Variants in ABCA5 observed in about 807,000 individuals in gnomAD.
The protein encoded by ABCA5 is ATP binding cassette subfamily A member 5, also known as cholesterol transporter ABCA5.
Under a neutral mutation model 206.0 loss-of-function variants are expected in ABCA5, and 163 were observed. That is an observed-to-expected ratio of 0.79 (90% CI 0.70 to 0.90). The LOEUF is 0.90. ABCA5 is among the 40% of genes least tolerant of loss of function. The pLI is 0.00. For missense variants in ABCA5, 1,859 were observed against 1,912.9 expected (o/e 0.97, Z 0.53); for synonymous variants, 609 against 613.8 (o/e 0.99, Z 0.11).
intron 1 of ABCA5, among the ~76,000 whole-genome samples, chr17:69,321,458 T>C (rs543732741): frequency 6.6e-6 from 1 of 152,336 alleles, no homozygotes; most frequent in Admixed American, 6.5e-5. Context: ...GAGCTATACA[T>C]TTCCTCTTTC....
Position 69,302,781 on chromosome 17 carries a change from G to C in ABCA5, c.1056C>G (p.Pro352=). 6.3e-7 allele frequency: 1 copy of C among 1,599,916 alleles called. No homozygotes were observed. Among genetic ancestry groups the C allele is most frequent in the African/African-American group, 1.3e-5 (1 of 74,196 alleles). The part of the protein sequence containing the change: ...GLMIILIESF[P]KSLVWLFSPF... The stretch of plus-strand genomic sequence containing the variant: ...GACTGAAAAGCCACACTAACGATTT[G>C]GGAAAACTTTCTATGAGGATTATCA... Residue 352 remains proline, a synonymous_variant, in exon 8 of 39, where the codon CCC becomes CCG. Transcript: ENST00000392676.
At position 69,251,729 on chromosome 17, in the gene ABCA5, C is replaced by A. The variant is rs763585432; in HGVS notation, c.4535+18G>T. ...CCCCAACCTCTTCCCCTGAATGGCA[C>A]GCTATTTAGACATCAACCTTAACTG... On this transcript the variant is annotated intron_variant, in intron 35 of 38. Transcript: ENST00000392676. 6 of 1,602,976 alleles carry A rather than the reference C, an allele frequency of 3.7e-6. No homozygotes were observed. The African/African-American group carries it at 4.0e-5, about 11-fold the overall frequency.
In ABCA5 at chr17:69,302,826, A is replaced by T; in HGVS notation, c.1011T>A (p.Ala337=). ...TTATCATAAGGCCAATAAATCCAAA[A>T]GCCACAGTAACAAAAAATTCAACTA... ...VGIVEFFVTV[A]FGFIGLMIIL... is the part of the protein sequence containing the mutation. The change falls in exon 8 of 39, where the codon GCT becomes GCA. Residue 337 remains alanine, a synonymous_variant. Transcript: ENST00000392676. 2 of 1,597,248 alleles carry T rather than the reference A, an allele frequency of 1.3e-6. No individual in the cohort carries two copies. Among genetic ancestry groups the T allele is most frequent in the Non-Finnish European group, 1.7e-6 (2 of 1,175,632 alleles).
At position 69,277,736 on chromosome 17, in the gene ABCA5, T is replaced by C. The variant is rs1598170447; in HGVS notation, c.2499A>G (p.Leu833=). The C allele has an allele frequency of 1.9e-6, 3 of 1,609,542 alleles. No homozygotes were observed. The highest frequency in any genetic ancestry group is 2.5e-6 in the Non-Finnish European group (3 of 1,178,794). ...LLILSETKAA[L]VSTMSLWKQQ... ...GTTTCCAAAGGCTCATGGTGCTCAC[T>C]AGAGCAGCCTTGGTTTCAGAAAGAA... The change falls in exon 19 of 39, where the codon CTA becomes CTG. Residue 833 remains leucine (L), a synonymous_variant. Transcript: ENST00000392676.
In ABCA5 at chr17:69,260,268, A is replaced by G. The variant is rs2075132097; in HGVS notation, c.3639+70T>C. The stretch of plus-strand genomic sequence containing the variant: ...CATGCAACAGGATAAAAAACTAAAC[A>G]TAGTTAAAACCATAGGACCAAACCA... On this transcript the variant is annotated intron_variant, in intron 27 of 38. Coordinates refer to ENST00000392676, the MANE Select transcript of ABCA5 (RefSeq NM_172232.4). 1.4e-5 allele frequency: 16 copies of G among 1,178,176 alleles called. No individual in the cohort carries two copies. The South Asian group carries it at 1.4e-4, about 10-fold the overall frequency. 73.0% of individuals were successfully genotyped at this position (1,178,176 alleles called of 1,614,324 possible).
In ABCA5 at chr17:69,298,310, G is replaced by A. The variant is rs997815577; in HGVS notation, c.1268-951C>T. 5.2e-3 allele frequency among the ~76,000 whole-genome samples: 546 copies of A among 105,266 alleles called. 30 individuals carry two copies. Among genetic ancestry groups the A allele is most frequent in the African/African-American group, 0.017 (501 of 30,326 alleles). 69.1% of individuals were successfully genotyped at this position (105,266 alleles called of 152,430 possible). On this transcript the variant is annotated intron_variant, in intron 9 of 38. Coordinates refer to ENST00000392676, the MANE Select transcript of ABCA5 (RefSeq NM_172232.4). ...GAGGGAGGGGAAAGAGAAAGAAAGA[G>A]AGAGAGAGGAAGGAAGGAAGGAAGG...
At position 69,287,737 on chromosome 17, in the gene ABCA5, A is replaced by G. The variant is rs2075475133; in HGVS notation, c.1917T>C (p.Asp639=). Residue 639 remains aspartate, a synonymous_variant, in exon 15 of 39, where the codon GAT becomes GAC. Transcript: ENST00000392676. The stretch of plus-strand genomic sequence containing the variant: ...AGGGGTCCATTCCAGCTGTTGGTTC[A>G]TCTAGCAGCAGTATCTGTGTGAAAA... ...VLGNPKILLL[D]EPTAGMDPCS... The G allele has an allele frequency of 6.2e-7, 1 of 1,613,104 alleles. No homozygotes were observed. Among genetic ancestry groups the G allele is most frequent in the African/African-American group, 1.3e-5 (1 of 74,880 alleles).
intron 16 of ABCA5, 88 bp from the exon 17 acceptor site, chr17:69,286,125 T>C: frequency 3.2e-6 from 5 of 1,550,244 alleles, no homozygotes; most frequent in East Asian, 2.3e-5. Flanking sequence ...TTTAGTACCA[T>C]AAATGATGGT....
chr17:69,287,611 A>G lies in ABCA5; in HGVS notation c.2041+2T>C, dbSNP rs775133489. On this transcript the variant is annotated splice_donor_variant, in intron 15 of 38. Transcript: ENST00000392676. LOFTEE classifies it high-confidence loss of function. ...CCTTCGAAAATAAAACAAAAATCTC[A>G]CCTGCAAGAATGTCAGCTTCATCCA... The G allele has an allele frequency of 1.9e-6, 3 of 1,607,590 alleles. No individual in the cohort carries two copies. The highest frequency in any genetic ancestry group is 1.1e-5 in the South Asian group (1 of 89,926).
In ABCA5 at chr17:69,271,303, A is replaced by AT. The variant is rs1335280686; in HGVS notation, c.2765-15dup. On this transcript the variant is annotated splice_polypyrimidine_tract_variant and intron_variant, in intron 20 of 38. Coordinates refer to ENST00000392676, the MANE Select transcript of ABCA5 (RefSeq NM_172232.4). ...TGATATCTGAGTCTGGTGTTAGAAA[A>AT]TAAGCAAATAATAAAAAATGAGTCT... The AT allele has an allele frequency of 1.3e-6, 2 of 1,598,282 alleles. No homozygotes were observed. Among genetic ancestry groups the AT allele is most frequent in the Non-Finnish European group, 1.7e-6 (2 of 1,173,964 alleles).
intron 19 of ABCA5, 22 bp from the exon 20 acceptor site, chr17:69,274,150 C>T (rs766185981): frequency 5.8e-6 from 9 of 1,548,744 alleles, no homozygotes; most frequent in Non-Finnish European, 7.8e-6. Context: ...AAAAAAACAA[C>T]ACAGCTCAGG....
intron 21 of ABCA5, 141 bp downstream of exon 21, chr17:69,271,017 CATAA>C (rs1332477572): frequency 9.4e-7 from 1 of 1,068,548 alleles, no homozygotes; most frequent in African/African-American, 1.6e-5. Flanking sequence ...TGAAATATAT[CATAA>C]ATAAAGACAG....
chr17:69,289,925 T>G lies in ABCA5; in HGVS notation c.1719A>C (p.Val573=). The stretch of plus-strand genomic sequence containing the variant: ...AAGCCAAAATTGATAAATTTTCTTC[T>G]ACTGTCAAAACATCAAAGTGTATAT... The part of the protein sequence containing the change: ...QLDIHFDVLT[V]EENLSILASI... Residue 573 remains valine (V), a synonymous_variant, in exon 13 of 39, where the codon GTA becomes GTC. Transcript: ENST00000392676. 6.2e-7 allele frequency: 1 copy of G among 1,612,304 alleles called. No homozygotes were observed. Among genetic ancestry groups the G allele is most frequent in the Middle Eastern group, 1.7e-4 (1 of 6,042 alleles).
intron 1 of ABCA5, among the ~76,000 whole-genome samples, chr17:69,320,698 G>T (rs964535988): frequency 6.6e-5 from 10 of 152,118 alleles, no homozygotes; most frequent in African/African-American, 2.4e-4. Flanking sequence ...GCTATAGTCA[G>T]GTCTTTGTAA....
intron 26 of ABCA5, 64 bp downstream of exon 26, chr17:69,261,061 A>C (rs2075141263): frequency 8.0e-6 from 11 of 1,376,730 alleles, no homozygotes; most frequent in South Asian, 5.7e-5. Context: ...AAGAACTAAC[A>C]TCCCCAAATT....
chr17:69,279,115 A>G (rs571726395), intron 18 of ABCA5, among the ~76,000 whole-genome samples: 166 of 151,472 alleles, frequency 1.1e-3, no homozygotes, highest in African/African-American at 3.9e-3. Context: ...TGCAGATGAC[A>G]TGATTGTATA....
At chr17:69,264,502 A>C (rs2075186118) in intron 24 of ABCA5, among the ~76,000 whole-genome samples, 1 of 152,246 alleles carries the variant, frequency 6.6e-6, no homozygotes, top group Admixed American at 6.5e-5. Context: ...GGTGGTCTAC[A>C]TGAAAGATCA....
At position 69,247,630 on chromosome 17, in the gene ABCA5, G is replaced by A; in HGVS notation, c.4836C>T (p.Leu1612=). 6.2e-7 allele frequency: 1 copy of A among 1,606,310 alleles called. No individual in the cohort carries two copies. Among genetic ancestry groups the A allele is most frequent in the African/African-American group, 1.3e-5 (1 of 74,682 alleles). ...TATCTTCCTCCTCTTGTTCTTTAGT[G>A]AGTTCTACAAAAACCTAGGTGAAAA... The part of the protein sequence containing the change: ...QATLEQVFVE[L]TKEQEEEDNS... The change falls in exon 39 of 39, where the codon CTC becomes CTT. Residue 1612 remains leucine, a synonymous_variant. Transcript: ENST00000392676.
chr17:69,288,504 A>G (rs536196621), intron 14 of ABCA5, among the ~76,000 whole-genome samples: 1 of 152,258 alleles, frequency 6.6e-6, no homozygotes, highest in South Asian at 2.1e-4. Context: ...GAGTAATACT[A>G]TTATAGCTAC....
Sources: gnomAD v4.1 joint callset for allele counts (sites outside exome capture counted in the v4.1 genomes callset) on GRCh38, gnomAD v4.1.1 for gene constraint, MANE v1.5 for transcripts, NCBI Gene and HGNC (gene_info 2026-07-23, HGNC 2026-07-21) for gene names.